PLEKHM3: variants seen among roughly 807,000 people sequenced by gnomAD.
PLEKHM3 encodes pleckstrin homology domain containing M3.
In PLEKHM3, 45 loss-of-function variants were observed where a neutral mutation model predicts 81.8. The ratio of observed to expected loss-of-function variants is 0.55; its 90% CI spans 0.43 to 0.71. The LOEUF (loss-of-function observed/expected upper bound fraction) is 0.71. Among genes scored for constraint, PLEKHM3 ranks in the 30% least tolerant of loss-of-function variants. The pLI is 0.00. For missense variants in PLEKHM3, 788 were observed against 924.3 expected (o/e 0.85, Z 1.91); for synonymous variants, 352 against 356.4 (o/e 0.99, Z 0.14).
Position 208,025,507 on chromosome 2 carries a change from T to A in PLEKHM3, c.-437A>T, listed in dbSNP as rs1466907822. On this transcript the variant is annotated 5_prime_UTR_variant, in exon 1 of 8. An upstream start codon of the reference 5' UTR is lost. Transcript: ENST00000427836. ...TGACAGCCCGCCCGGGCGCTGACCA[T>A]CCCGGCCCGGCTCTGTTTACAAGCG... The A allele has an allele frequency of 6.6e-6, 1 of 152,314 alleles. No homozygotes were observed. Among genetic ancestry groups the A allele is most frequent in the East Asian group, 1.9e-4 (1 of 5,184 alleles). The allele number at this position is 152,314 out of a possible 1,614,324, so 9.4% of individuals were successfully genotyped here.
intron 6 of PLEKHM3, among the ~76,000 whole-genome samples, chr2:207,898,773 A>G (rs1311984850): frequency 1.3e-5 from 2 of 151,926 alleles, no homozygotes; most frequent in Non-Finnish European, 2.9e-5. Context: ...GCGCGTGCCT[A>G]TGGTTTCAGC....
chr2:207,953,242 T>C (rs1277341345), intron 3 of PLEKHM3, among the ~76,000 whole-genome samples: 1 of 152,244 alleles, frequency 6.6e-6, no homozygotes, highest in Admixed American at 6.5e-5. Context: ...ATTTTCTCCA[T>C]AAGCCTTTAA....
At chr2:207,887,343 C>G (rs532648251) in intron 6 of PLEKHM3, among the ~76,000 whole-genome samples, 1 of 152,328 alleles carries the variant, frequency 6.6e-6, no homozygotes, top group East Asian at 1.9e-4. Flanking sequence ...AACAGCAAGT[C>G]TGAATGATAT....
At chr2:207,992,729 G>GA (rs147057534) in intron 2 of PLEKHM3, among the ~76,000 whole-genome samples, 95 of 148,178 alleles carry the variant, frequency 6.4e-4, no homozygotes, top group Admixed American at 4.7e-4. Flanking sequence ...TGAAAGGGAA[G>GA]AAAAAAAAAA....
chr2:207,905,267 T>A (rs1377020358), intron 6 of PLEKHM3, among the ~76,000 whole-genome samples: 1 of 152,224 alleles, frequency 6.6e-6, no homozygotes, highest in Non-Finnish European at 1.5e-5. Flanking sequence ...GGTCTGCTTT[T>A]ACAGAAACCT....
intron 2 of PLEKHM3, among the ~76,000 whole-genome samples, chr2:207,995,641 C>A (rs755951839): frequency 6.6e-6 from 1 of 152,154 alleles, no homozygotes; most frequent in African/African-American, 2.4e-5. Flanking sequence ...AATGAAAAAC[C>A]CATGTCACAG....
At chr2:207,845,010 C>T (rs2092375153) in intron 7 of PLEKHM3, among the ~76,000 whole-genome samples, 1 of 152,200 alleles carries the variant, frequency 6.6e-6, no homozygotes, top group Non-Finnish European at 1.5e-5. Context: ...TGGGCTGCAC[C>T]TTTCTCTCTA....
chr2:207,973,364 C>G (rs2106022764), intron 3 of PLEKHM3, among the ~76,000 whole-genome samples: 1 of 152,316 alleles, frequency 6.6e-6, no homozygotes, highest in Middle Eastern at 3.4e-3. Context: ...CAGAAGTTTG[C>G]TTAACAGGTT....
rs527819114 is a variant in PLEKHM3, at chr2:207,822,797, T to A, written c.*5522A>T. The A allele has an allele frequency of 3.9e-5, 6 of 152,340 alleles. No homozygotes were observed. The South Asian group carries it at 1.2e-3, about 32-fold the overall frequency. 9.4% of individuals were successfully genotyped at this position (152,340 alleles called of 1,614,324 possible). On this transcript the variant is annotated 3_prime_UTR_variant, in exon 8 of 8. Coordinates refer to ENST00000427836, the MANE Select transcript of PLEKHM3 (RefSeq NM_001080475.3). ...AAGGGTCCTGCAGGCTTCAAGTGGT[T>A]CAGACTAGACTAGAAGCACGAGACA...
intron 2 of PLEKHM3, among the ~76,000 whole-genome samples, chr2:207,987,420 T>C (rs931688088): frequency 9.9e-5 from 15 of 152,176 alleles, no homozygotes; most frequent in African/African-American, 3.4e-4. Context: ...CACCCACCCT[T>C]GGTCTCGAGT....
intron 2 of PLEKHM3, among the ~76,000 whole-genome samples, chr2:207,997,952 G>C (rs1475875728): frequency 6.6e-6 from 1 of 152,158 alleles, no homozygotes; most frequent in South Asian, 2.1e-4. Context: ...GATCTTGGCT[G>C]ATTTTGACTA....
intron 6 of PLEKHM3, among the ~76,000 whole-genome samples, chr2:207,878,608 A>AAAAC (rs1212106867): frequency 1.3e-5 from 2 of 152,198 alleles, no homozygotes; most frequent in Non-Finnish European, 2.9e-5. Context: ...AACTGTCTCA[A>AAAAC]AAACAAACAA....
chr2:207,832,752 C>T (rs1242550442), intron 7 of PLEKHM3, among the ~76,000 whole-genome samples: 1 of 150,066 alleles, frequency 6.7e-6, no homozygotes, highest in African/African-American at 2.5e-5. Flanking sequence ...GAAATTGCAC[C>T]ACTGCACTCC....
At chr2:207,916,662 C>T (rs1354536488) in intron 5 of PLEKHM3, among the ~76,000 whole-genome samples, 1 of 152,076 alleles carries the variant, frequency 6.6e-6, no homozygotes, top group Non-Finnish European at 1.5e-5. Context: ...ACAGGAAAAT[C>T]ACTTGAACCC....
chr2:207,945,607 A>G (rs16840199), intron 4 of PLEKHM3, among the ~76,000 whole-genome samples: 4,917 of 152,270 alleles, frequency 0.032, 233 homozygotes, highest in African/African-American at 0.11. Flanking sequence ...CTACTCTACT[A>G]TAAGAAATAT....
intron 6 of PLEKHM3, among the ~76,000 whole-genome samples, chr2:207,892,822 G>A (rs891859227): frequency 2.6e-5 from 4 of 152,146 alleles, no homozygotes; most frequent in African/African-American, 7.2e-5. Flanking sequence ...CCTCACAGTC[G>A]CCGAGTTCCA....
chr2:207,953,175 G>A (rs755426949), intron 3 of PLEKHM3, among the ~76,000 whole-genome samples: 1 of 152,188 alleles, frequency 6.6e-6, no homozygotes, highest in Non-Finnish European at 1.5e-5. Context: ...AGTATGGCAT[G>A]CAGCTGATAG....
intron 3 of PLEKHM3, among the ~76,000 whole-genome samples, chr2:207,950,126 T>C (rs1690281507): frequency 1.3e-5 from 2 of 152,150 alleles, no homozygotes; most frequent in African/African-American, 2.4e-5. Flanking sequence ...AGGTTTTAGT[T>C]TGGACAAAAG....
At chr2:207,895,992 G>A (rs1469837949) in intron 6 of PLEKHM3, among the ~76,000 whole-genome samples, 1 of 152,146 alleles carries the variant, frequency 6.6e-6, no homozygotes, top group Non-Finnish European at 1.5e-5. Context: ...AGAACTGAAG[G>A]TGCTGAGCCT....
Sources: allele counts gnomAD v4.1 joint callset (sites outside exome capture counted in the v4.1 genomes callset), GRCh38; gene constraint gnomAD v4.1.1; transcripts MANE v1.5; gene names NCBI Gene and HGNC (gene_info 2026-07-23, HGNC 2026-07-21).